The following FHOD3 variants were observed in gnomAD, a reference collection of about 807,000 sequenced individuals.
FHOD3 encodes formin homology 2 domain containing 3, also known as FH1/FH2 domain-containing protein 3.
A neutral mutation model predicts 173.0 loss-of-function variants in FHOD3; 90 were observed. The observed-to-expected ratio is 0.52, with a 90% CI of 0.44 to 0.62. The LOEUF (loss-of-function observed/expected upper bound fraction) is 0.62. FHOD3 is among the 20% of genes least tolerant of loss of function. FHOD3 has a pLI of 0.00. For synonymous variants in FHOD3, 828 were observed against 823.0 expected (o/e 1.01, Z -0.10); for missense variants, 1,945 against 2,034.7 (o/e 0.96, Z 0.85).
chr18:36,530,321 G>A (rs2056729246), intron 5 of FHOD3, among the ~76,000 whole-genome samples: 1 of 152,110 alleles, frequency 6.6e-6, no homozygotes, highest in South Asian at 2.1e-4. Context: ...CTTGCCTGAT[G>A]CTTCTCTGTA....
chr18:36,557,501 A>T (rs910995935), intron 5 of FHOD3, among the ~76,000 whole-genome samples: 20 of 152,104 alleles, frequency 1.3e-4, no homozygotes, highest in African/African-American at 4.8e-4. Flanking sequence ...CGGTGTCTTT[A>T]CTATCTTTCA....
chr18:36,419,588 G>A (rs2049878640), intron 3 of FHOD3, among the ~76,000 whole-genome samples: 1 of 152,160 alleles, frequency 6.6e-6, no homozygotes, highest in Non-Finnish European at 1.5e-5. Context: ...TAATTTTTAG[G>A]TTTACTGTAA....
At chr18:36,520,805 A>T (rs1244555464) in intron 5 of FHOD3, among the ~76,000 whole-genome samples, 1 of 152,216 alleles carries the variant, frequency 6.6e-6, no homozygotes, top group East Asian at 1.9e-4. Flanking sequence ...CTACACAGAG[A>T]GTGTGGAATT....
chr18:36,313,527 G>A (rs946154806), intron 1 of FHOD3, among the ~76,000 whole-genome samples: 1 of 152,110 alleles, frequency 6.6e-6, no homozygotes, highest in Non-Finnish European at 1.5e-5. Flanking sequence ...GAATCATTTC[G>A]TGTGTAGCCT....
chr18:36,536,140 G>A (rs1253373970), intron 5 of FHOD3, among the ~76,000 whole-genome samples: 3 of 152,202 alleles, frequency 2.0e-5, no homozygotes, highest in Non-Finnish European at 2.9e-5. Context: ...CTCTCTGGCT[G>A]TGCAAAAACA....
At chr18:36,732,228 C>T (rs2041400511) in intron 20 of FHOD3, among the ~76,000 whole-genome samples, 1 of 152,244 alleles carries the variant, frequency 6.6e-6, no homozygotes, top group African/African-American at 2.4e-5. Flanking sequence ...CTGGGGCCTT[C>T]AGAGACAGTA....
chr18:36,632,556 C>T (rs1006190675), intron 10 of FHOD3, among the ~76,000 whole-genome samples: 2 of 152,164 alleles, frequency 1.3e-5, no homozygotes, highest in Non-Finnish European at 2.9e-5. Flanking sequence ...ATTTCTGACA[C>T]CTCTCATCAC....
rs376642468 is a variant in FHOD3, at chr18:36,693,175, G to A, written c.2022-34G>A. ...AGCATCAGCCACAGGCTCCTCTTTCGTTTGACGGAAACCCTTTGGAATTTA... is the reference window on the plus strand; with the variant it reads ...AGCATCAGCCACAGGCTCCTCTTTCATTTGACGGAAACCCTTTGGAATTTA... On this transcript the variant is annotated intron_variant, in intron 16 of 28. Coordinates refer to ENST00000590592, the MANE Select transcript of FHOD3 (RefSeq NM_001281740.3). 52 of 1,590,692 alleles carry A rather than the reference G, an allele frequency of 3.3e-5. 1 individual carries two copies. Among genetic ancestry groups the A allele is most frequent in the East Asian group, 2.0e-4 (9 of 44,222 alleles).
intron 1 of FHOD3, among the ~76,000 whole-genome samples, chr18:36,330,666 G>A (rs1391110857): frequency 3.9e-5 from 6 of 152,176 alleles, no homozygotes; most frequent in Non-Finnish European, 7.3e-5. Flanking sequence ...TGCCACCAGA[G>A]GTAGGCAGGG....
intron 1 of FHOD3, among the ~76,000 whole-genome samples, chr18:36,313,556 A>G (rs1262918360): frequency 6.6e-6 from 1 of 152,072 alleles, no homozygotes; most frequent in Non-Finnish European, 1.5e-5. Context: ...TGGCTTCTTC[A>G]CTCTGCACAG....
intron 10 of FHOD3, among the ~76,000 whole-genome samples, chr18:36,648,769 C>T (rs1184006096): frequency 1.3e-5 from 2 of 152,164 alleles, no homozygotes; most frequent in African/African-American, 4.8e-5. Context: ...CATTGAAAAT[C>T]AGGGGTGGCC....
At chr18:36,640,975 T>C (rs1324839508) in intron 10 of FHOD3, among the ~76,000 whole-genome samples, 2 of 152,176 alleles carry the variant, frequency 1.3e-5, no homozygotes, top group African/African-American at 4.8e-5. Context: ...GCAACCTGTT[T>C]GGTCTTGCCC....
At chr18:36,559,653 T>G (rs2058021346) in intron 5 of FHOD3, among the ~76,000 whole-genome samples, 1 of 152,182 alleles carries the variant, frequency 6.6e-6, no homozygotes, top group Non-Finnish European at 1.5e-5. Flanking sequence ...AGGATATGTC[T>G]ATTTTGGTTT....
chr18:36,477,692 G>A (rs1038521335), intron 3 of FHOD3, among the ~76,000 whole-genome samples: 6 of 152,164 alleles, frequency 3.9e-5, no homozygotes, highest in Non-Finnish European at 7.3e-5. Flanking sequence ...ACTAGGTACT[G>A]TACCAGGTGT....
chr18:36,660,571 G>A (rs1468705721), intron 14 of FHOD3, among the ~76,000 whole-genome samples: 1 of 152,212 alleles, frequency 6.6e-6, no homozygotes, highest in Non-Finnish European at 1.5e-5. Context: ...CGCCTGGAGG[G>A]TAAGAGGAGA....
chr18:36,560,826 GT>G (rs34653505), intron 5 of FHOD3, among the ~76,000 whole-genome samples: 90,032 of 134,392 alleles, frequency 0.67, 29,609 homozygotes, highest in Admixed American at 0.73. Context: ...AAGAGCAGCT[GT>G]TTTTTTTTTT....
intron 27 of FHOD3, 99 bp from the exon 28 acceptor site, chr18:36,769,166 G>C (rs1382201410): frequency 2.1e-6 from 3 of 1,403,684 alleles, no homozygotes; most frequent in Non-Finnish European, 2.9e-6. Context: ...CCTGTGATCT[G>C]TTGCTGAAAG....
chr18:36,454,174 G>T (rs1051765313), intron 3 of FHOD3, among the ~76,000 whole-genome samples: 3 of 151,956 alleles, frequency 2.0e-5, no homozygotes, highest in African/African-American at 7.3e-5. Flanking sequence ...TCCTGAGGTC[G>T]ACCCTCACAT....
intron 3 of FHOD3, among the ~76,000 whole-genome samples, chr18:36,402,078 T>C (rs1171297921): frequency 6.6e-6 from 1 of 152,228 alleles, no homozygotes; most frequent in Non-Finnish European, 1.5e-5. Flanking sequence ...AAATTGTGAT[T>C]GTTCAATTAT....
Sources: gnomAD v4.1 joint callset for allele counts (sites outside exome capture counted in the v4.1 genomes callset) on GRCh38, gnomAD v4.1.1 for gene constraint, MANE v1.5 for transcripts, NCBI Gene and HGNC (gene_info 2026-07-23, HGNC 2026-07-21) for gene names.